The following TRDN variants were observed in gnomAD, a reference collection of about 807,000 sequenced individuals.
The protein encoded by TRDN is triadin in skeletal muscle.
A neutral mutation model predicts 149.7 loss-of-function variants in TRDN; 161 were observed. The observed-to-expected ratio is 1.08, with a 90% CI of 0.95 to 1.23. TRDN has a LOEUF of 1.23. Among genes scored for constraint, TRDN ranks in the 50% most tolerant of loss-of-function variants. The pLI, the probability that TRDN is intolerant of heterozygous loss-of-function variation, is 0.00. For missense variants in TRDN, 896 were observed against 823.5 expected, an observed-to-expected ratio of 1.09 and a Z score of -1.08; for synonymous variants, 294 against 250.5, an observed-to-expected ratio of 1.17 and a Z score of -1.64.
At chr6:123,238,058 G>A (rs1160472799) in intron 38 of TRDN, among the ~76,000 whole-genome samples, 5 of 152,090 alleles carry the variant, frequency 3.3e-5, no homozygotes, top group Non-Finnish European at 5.9e-5. Flanking sequence ...AAAGGCTTTC[G>A]GGAATGAAAT....
chr6:123,509,299 T>A (rs545037904), intron 7 of TRDN: 21 of 152,196 alleles, frequency 1.4e-4, no homozygotes, highest in African/African-American at 4.6e-4. Context: ...GGCATTCATA[T>A]CCTTGTGCAA....
intron 9 of TRDN, chr6:123,471,901 T>C (rs1777174335): frequency 6.6e-6 from 1 of 152,226 alleles, no homozygotes; most frequent in African/African-American, 2.4e-5. Flanking sequence ...TGTGACAGAA[T>C]ACCTGATGTT....
intron 9 of TRDN, among the ~76,000 whole-genome samples, chr6:123,473,684 C>T (rs1777309773): frequency 6.6e-6 from 1 of 151,282 alleles, no homozygotes; most frequent in Admixed American, 6.6e-5. Flanking sequence ...ATGTTAAGGG[C>T]AGCCAGAGAG....
chr6:123,329,977 T>C (rs1374611218), intron 23 of TRDN, among the ~76,000 whole-genome samples: 3 of 152,066 alleles, frequency 2.0e-5, no homozygotes, highest in African/African-American at 4.8e-5. Context: ...ACATGATATA[T>C]GTTGCCCCTG....
At chr6:123,474,956 G>A (rs1777388855) in intron 9 of TRDN, among the ~76,000 whole-genome samples, 1 of 152,012 alleles carries the variant, frequency 6.6e-6, no homozygotes, top group African/African-American at 2.4e-5. Context: ...GAGAAAGCAG[G>A]AAAGATCCAA....
At chr6:123,286,540 G>A (rs1296497011) in intron 24 of TRDN, among the ~76,000 whole-genome samples, 1 of 151,904 alleles carries the variant, frequency 6.6e-6, no homozygotes, top group East Asian at 1.9e-4. Flanking sequence ...GGGAGGGAGT[G>A]GGGTGAGGGA....
intron 1 of TRDN, among the ~76,000 whole-genome samples, chr6:123,604,106 T>C (rs1031335446): frequency 2.0e-5 from 3 of 152,212 alleles, no homozygotes; most frequent in Non-Finnish European, 4.4e-5. Flanking sequence ...TATTGAGTGC[T>C]TACCGCGACA....
chr6:123,424,286 C>G (rs181578768), intron 12 of TRDN, among the ~76,000 whole-genome samples: 1 of 152,224 alleles, frequency 6.6e-6, no homozygotes, highest in East Asian at 1.9e-4. Flanking sequence ...CCTTTTCTGT[C>G]CCTAATTGGT....
chr6:123,435,561 G>A (rs1212544443), intron 12 of TRDN, among the ~76,000 whole-genome samples: 3 of 150,076 alleles, frequency 2.0e-5, no homozygotes, highest in African/African-American at 7.4e-5. Flanking sequence ...ACACACACAT[G>A]CACACACTGT....
chr6:123,561,186 T>C (rs748570001), intron 2 of TRDN, among the ~76,000 whole-genome samples: 20 of 152,198 alleles, frequency 1.3e-4, no homozygotes, highest in Non-Finnish European at 2.2e-4. Context: ...CCCATATCTA[T>C]ACAGTCCGAT....
intron 9 of TRDN, among the ~76,000 whole-genome samples, chr6:123,466,266 G>A (rs751364225): frequency 3.9e-5 from 6 of 152,138 alleles, no homozygotes; most frequent in Non-Finnish European, 5.9e-5. Context: ...TAAAAAGAAG[G>A]TTGATCCACA....
At chr6:123,222,957 C>T (rs940774954) in intron 39 of TRDN, among the ~76,000 whole-genome samples, 3 of 151,804 alleles carry the variant, frequency 2.0e-5, no homozygotes, top group Non-Finnish European at 4.4e-5. Context: ...TAACATCTCA[C>T]ACCAGTAAGC....
At chr6:123,372,611 G>C (rs1292064689) in intron 19 of TRDN, among the ~76,000 whole-genome samples, 1 of 152,100 alleles carries the variant, frequency 6.6e-6, no homozygotes, top group Non-Finnish European at 1.5e-5. Flanking sequence ...CTGGGACAGT[G>C]CTACCCAAGG....
chr6:123,546,132 C>G (rs1248579391), intron 4 of TRDN, among the ~76,000 whole-genome samples: 1 of 152,066 alleles, frequency 6.6e-6, no homozygotes, highest in Non-Finnish European at 1.5e-5. Context: ...CTATAAATCT[C>G]TTGAAGTTTA....
At chr6:123,594,085 G>A (rs1322984418) in intron 1 of TRDN, among the ~76,000 whole-genome samples, 1 of 152,116 alleles carries the variant, frequency 6.6e-6, no homozygotes, top group African/African-American at 2.4e-5. Flanking sequence ...ATGTATGCAT[G>A]TGTGCACATA....
rs74699072 is a variant in TRDN, at chr6:123,223,288, C to T, written c.2014+805G>A. On this transcript the variant is annotated intron_variant, in intron 39 of 40. Transcript: ENST00000334268. ...GGAACAGACACTGAGGCCTACCCAA[C>T]GGTTGAGAGTGGAAGGAGAAAGAGG... 7.6e-3 allele frequency among the ~76,000 whole-genome samples: 1,152 copies of T among 151,532 alleles called. 9 individuals are homozygous for T. Among genetic ancestry groups the T allele is most frequent in the African/African-American group, 0.024 (1,007 of 41,354 alleles).
intron 9 of TRDN, among the ~76,000 whole-genome samples, chr6:123,476,529 T>C (rs1777482923): frequency 7.3e-6 from 1 of 136,414 alleles, no homozygotes; most frequent in African/African-American, 2.7e-5. Context: ...AAGCTACCAA[T>C]GACTTTCTTC....
At chr6:123,605,671 G>A (rs1784499713) in intron 1 of TRDN, among the ~76,000 whole-genome samples, 1 of 151,992 alleles carries the variant, frequency 6.6e-6, no homozygotes, top group Non-Finnish European at 1.5e-5. Context: ...GACTGAGGCA[G>A]GAGAATTGCT....
intron 9 of TRDN, among the ~76,000 whole-genome samples, chr6:123,468,272 G>A (rs1241899894): frequency 6.6e-6 from 1 of 152,072 alleles, no homozygotes; most frequent in Non-Finnish European, 1.5e-5. Flanking sequence ...GAAAGATTTA[G>A]GCTGTTGAAA....
Sources: allele counts gnomAD v4.1 joint callset (sites outside exome capture counted in the v4.1 genomes callset), GRCh38; gene constraint gnomAD v4.1.1; transcripts MANE v1.5; gene names NCBI Gene and HGNC (gene_info 2026-07-23, HGNC 2026-07-21).